The following ARRB1 variants were observed in gnomAD, a reference collection of about 807,000 sequenced individuals.
The protein encoded by ARRB1 is beta-arrestin-1.
Under a neutral mutation model 56.8 loss-of-function variants are expected in ARRB1, and 21 were observed. The observed-to-expected ratio is 0.37, with a 90% CI of 0.26 to 0.53. ARRB1 has a LOEUF of 0.53. ARRB1 is among the 20% of genes least tolerant of loss of function. The probability of loss-of-function intolerance (pLI) is 0.88; values close to 1 mark genes in which losing one functional copy is unlikely to be tolerated. For missense variants in ARRB1, 424 were observed against 553.7 expected (o/e 0.77, Z 2.35); for synonymous variants, 210 against 218.6 (o/e 0.96, Z 0.35).
At chr11:75,296,908 G>A (rs1946763254) in intron 1 of ARRB1, among the ~76,000 whole-genome samples, 1 of 151,904 alleles carries the variant, frequency 6.6e-6, no homozygotes, top group South Asian at 2.1e-4. Flanking sequence ...GAACTTCTAA[G>A]CTCTGCCTCC....
intron 13 of ARRB1, chr11:75,271,368 A>T (rs1423697215): frequency 1.7e-5 from 4 of 231,536 alleles, no homozygotes; most frequent in Non-Finnish European, 3.3e-5. Context: ...TCACTAGTGT[A>T]GAAGTTTGAA....
Position 75,264,635 on chromosome 11 carries a change from C to T in ARRB1, c.*1528G>A, listed in dbSNP as rs535611406. On this transcript the variant is annotated 3_prime_UTR_variant, in exon 16 of 16. Transcript: ENST00000420843. ...CCACCTCTGAGGTCCAATAAATCCC[C>T]TCTGGAGGCAGAGAGACCAGTCAGC... is the stretch of plus-strand genomic sequence containing the variant. 1.3e-5 allele frequency: 2 copies of T among 152,306 alleles called. No individual in the cohort carries two copies. Among genetic ancestry groups the T allele is most frequent in the African/African-American group, 4.8e-5 (2 of 41,546 alleles). 9.4% of individuals were successfully genotyped at this position (152,306 alleles called of 1,614,324 possible). A position where few individuals can be genotyped will look rare whatever the true frequency, so the allele number is the denominator to read the frequency against.
intron 5 of ARRB1, chr11:75,282,225 G>A: frequency 1.8e-6 from 1 of 547,218 alleles, no homozygotes. Flanking sequence ...GTTTGGCCCA[G>A]CCCAGTCCTC....
chr11:75,281,779 G>A (rs1437120276), intron 6 of ARRB1, 183 bp downstream of exon 6: 6 of 631,812 alleles, frequency 9.5e-6, no homozygotes, highest in Middle Eastern at 4.3e-4. Flanking sequence ...GGCTGACCCC[G>A]TACCTGCTGC....
In ARRB1 at chr11:75,283,380, G is replaced by A; in HGVS notation, c.261C>T (p.Phe87=). ...GCTTCTTGTCCTCGGGGGCCGGTGG[G>A]AACGACTGTACGTTGGCCACAAACA... ...KDLFVANVQS[F]PPAPEDKKPL... The change falls in exon 5 of 16, where the codon TTC becomes TTT. Residue 87 remains phenylalanine, a synonymous_variant. Transcript: ENST00000420843. 1 of 1,614,170 alleles carries A rather than the reference G, an allele frequency of 6.2e-7. No individual in the cohort carries two copies. Among genetic ancestry groups the A allele is most frequent in the Non-Finnish European group, 8.5e-7 (1 of 1,180,008 alleles).
At position 75,284,224 on chromosome 11, in the gene ARRB1, C is replaced by T. The variant is rs1565115256; in HGVS notation, c.157+11G>A. 2 of 1,603,790 alleles carry T rather than the reference C, an allele frequency of 1.2e-6. No homozygotes were observed. Among genetic ancestry groups the T allele is most frequent in the East Asian group, 2.2e-5 (1 of 44,682 alleles). On this transcript the variant is annotated intron_variant, in intron 4 of 15. Coordinates refer to ENST00000420843, the MANE Select transcript of ARRB1 (RefSeq NM_004041.5). Reference sequence around the variant, plus strand: ...GCCCTTGACAGGCTGGGGATGGGGGCCACAGCCTACCTCTCCGCTCTTTGA... The same window carrying T: ...GCCCTTGACAGGCTGGGGATGGGGGTCACAGCCTACCTCTCCGCTCTTTGA...
intron 15 of ARRB1, 35 bp downstream of exon 15, chr11:75,267,617 C>CA: frequency 6.3e-7 from 1 of 1,579,650 alleles, no homozygotes; most frequent in Non-Finnish European, 8.7e-7. Context: ...ACCCGCGGCC[C>CA]ACCCCCGGAT....
intron 7 of ARRB1, 170 bp downstream of exon 7, chr11:75,280,905 C>T: frequency 1.4e-6 from 1 of 729,928 alleles, no homozygotes; most frequent in Non-Finnish European, 2.3e-6. Context: ...AGCCACCTCC[C>T]CAAGGAAGCC....
At chr11:75,271,794 A>G (rs1946079006) in intron 12 of ARRB1, 70 bp from the exon 13 acceptor site, 2 of 1,492,874 alleles carry the variant, frequency 1.3e-6, no homozygotes, top group Admixed American at 4.1e-5. Context: ...CAAAAAGCAC[A>G]TTCATTCACC....
intron 1 of ARRB1, among the ~76,000 whole-genome samples, chr11:75,316,404 T>C (rs1260412418): frequency 6.6e-6 from 1 of 151,924 alleles, no homozygotes; most frequent in Non-Finnish European, 1.5e-5. Flanking sequence ...TTCGTTTTCC[T>C]TACAATTAAA....
At chr11:75,327,301 CAAAAAAAAAA>C (rs777940901) in intron 1 of ARRB1, among the ~76,000 whole-genome samples, 1 of 60,268 alleles carries the variant, frequency 1.7e-5, no homozygotes, top group Non-Finnish European at 3.0e-5. Flanking sequence ...AACTCCATCT[CAAAAAAAAAA>C]AAAAAAAAAA....
rs752762774 is a variant in ARRB1, at chr11:75,268,912, T to C, written c.1070A>G (p.Lys357Arg). ...LPFTLMHPKP[K>R]EEPPHREVPE... ...ACCTTCCCGATGCGGGGGTTCCTCT[T>C]TGGGCTTGGGGTGCATTAGGGTGAA... The change falls in exon 14 of 16, where the codon AAA becomes AGA. Residue 357 changes from lysine to arginine, a missense_variant. This residue lies in a region of ARRB1 where 121 missense variants were observed against 147.3 expected (regional missense o/e 0.82). Transcript: ENST00000420843. 2.5e-6 allele frequency: 4 copies of C among 1,609,836 alleles called. No individual in the cohort carries two copies. In the African/African-American group the frequency reaches 4.0e-5, roughly 16 times the overall value.
intron 3 of ARRB1, among the ~76,000 whole-genome samples, chr11:75,287,035 C>T (rs971418482): frequency 1.3e-5 from 2 of 152,178 alleles, no homozygotes; most frequent in Non-Finnish European, 2.9e-5. Flanking sequence ...ACATGACACG[C>T]CTTATAGTAA....
chr11:75,345,727 G>A (rs768126867), intron 1 of ARRB1, among the ~76,000 whole-genome samples: 2 of 152,222 alleles, frequency 1.3e-5, no homozygotes, highest in Non-Finnish European at 2.9e-5. Context: ...TGATGGAGGA[G>A]TCAGGACCCC....
At chr11:75,318,759 G>A (rs1947302452) in intron 1 of ARRB1, among the ~76,000 whole-genome samples, 1 of 152,072 alleles carries the variant, frequency 6.6e-6, no homozygotes, top group Admixed American at 6.5e-5. Flanking sequence ...TTATAGGAGT[G>A]AGCCACTGCG....
chr11:75,331,951 C>T (rs929208552), intron 1 of ARRB1, among the ~76,000 whole-genome samples: 8 of 152,156 alleles, frequency 5.3e-5, no homozygotes, highest in Admixed American at 3.9e-4. Flanking sequence ...GTGAAAATGG[C>T]CGGTTCCTGC....
chr11:75,286,147 C>T (rs34044847), intron 3 of ARRB1, among the ~76,000 whole-genome samples: 18,894 of 151,606 alleles, frequency 0.12, 1,285 homozygotes, highest in Admixed American at 0.21. Context: ...CAGCCGGGCT[C>T]GCTTCCTTGG....
At chr11:75,316,736 G>C (rs1309321515) in intron 1 of ARRB1, among the ~76,000 whole-genome samples, 2 of 152,060 alleles carry the variant, frequency 1.3e-5, no homozygotes, top group East Asian at 3.9e-4. Flanking sequence ...AGGCAAGACA[G>C]TGAGACTTAT....
chr11:75,331,062 C>T (rs1947512291), intron 1 of ARRB1, among the ~76,000 whole-genome samples: 1 of 152,226 alleles, frequency 6.6e-6, no homozygotes, highest in African/African-American at 2.4e-5. Context: ...CTCGCTCTGT[C>T]GCCCAGTGGC....
Sources: gnomAD v4.1 joint callset for allele counts (sites outside exome capture counted in the v4.1 genomes callset) on GRCh38, gnomAD v4.1.1 for gene constraint, gnomAD v4.1.1 regional missense constraint, MANE v1.5 for transcripts, NCBI Gene and HGNC (gene_info 2026-07-23, HGNC 2026-07-21) for gene names.